Variants in ENTR1 observed in about 807,000 individuals in gnomAD.
ENTR1 encodes the protein endosome-associated-trafficking regulator 1.
In ENTR1, 47 loss-of-function variants were observed where a neutral mutation model predicts 47.9. That is an observed-to-expected ratio of 0.98 (90% CI 0.78 to 1.25). ENTR1 has a LOEUF of 1.25. ENTR1 is among the 50% of genes most tolerant of loss of function. ENTR1 has a pLI of 0.00. For synonymous variants in ENTR1, 290 were observed against 245.8 expected, an observed-to-expected ratio of 1.18 and a Z score of -1.68; for missense variants, 668 against 570.5, an observed-to-expected ratio of 1.17 and a Z score of -1.74.
Position 136,405,208 on chromosome 9 carries a change from T to TA in ENTR1, c.894-7dup, listed in dbSNP as rs1202760423. On this transcript the variant is annotated splice_polypyrimidine_tract_variant and splice_region_variant and intron_variant, in intron 6 of 9. Transcript: ENST00000357365. The stretch of plus-strand genomic sequence containing the variant: ...TCCGCTCAAGCGTCCTCACCCTTGT[T>TA]AAAGAAAAACCCGAGTTGTTAATTT... 1.2e-6 allele frequency: 2 copies of TA among 1,610,690 alleles called. No individual in the cohort carries two copies. Among genetic ancestry groups the TA allele is most frequent in the Non-Finnish European group, 1.7e-6 (2 of 1,177,044 alleles).
At chr9:136,405,870 T>A (rs1198136874) in intron 6 of ENTR1, 35 bp downstream of exon 6, 1 of 1,332,310 alleles carries the variant, frequency 7.5e-7, no homozygotes, top group Admixed American at 2.0e-5. Flanking sequence ...GTATTAGATG[T>A]TGTGGATTGC....
Position 136,410,536 on chromosome 9 carries a change from T to TC in ENTR1, c.-140dup. ...CCCGCCGCTCGGCCGCCCCCGCGCC[T>TC]CCGAGCCTCTCGCCGCTGCTTCCGC... is the stretch of plus-strand genomic sequence containing the variant. On this transcript the variant is annotated 5_prime_UTR_variant, in exon 1 of 10. Coordinates refer to ENST00000357365, the MANE Select transcript of ENTR1 (RefSeq NM_001039707.2). The TC allele has an allele frequency of 1.8e-6, 2 of 1,083,154 alleles. No homozygotes were observed. The highest frequency in any genetic ancestry group is 2.3e-6 in the Non-Finnish European group (2 of 862,538). The allele number at this position is 1,083,154 out of a possible 1,614,324, so 67.1% of individuals were successfully genotyped here. A position where few individuals can be genotyped will look rare whatever the true frequency, so the allele number is the denominator to read the frequency against.
At chr9:136,407,982 C>T (rs773911848) in intron 3 of ENTR1, 44 bp from the exon 4 acceptor site, 2 of 1,293,388 alleles carry the variant, frequency 1.5e-6, no homozygotes, top group Admixed American at 1.7e-5. Flanking sequence ...TACTGAAGAG[C>T]GTTGAAAGGG....
chr9:136,407,287 G>A lies in ENTR1; in HGVS notation c.677C>T (p.Ser226Phe). ...GTCACTCAACGCCCACGAGGGCAGAGACTCAGGCCCTGCCAGCTCCGACGG... is the reference window on the plus strand; with the variant it reads ...GTCACTCAACGCCCACGAGGGCAGAAACTCAGGCCCTGCCAGCTCCGACGG... ...STPSELAGPE[S>F]LPSWALSDTD... Residue 226 changes from serine (S) to phenylalanine (F), a missense_variant, in exon 5 of 10, where the codon TCT (serine) becomes TTT (phenylalanine). Transcript: ENST00000357365. The A allele has an allele frequency of 3.1e-6, 5 of 1,612,722 alleles. No homozygotes were observed. The highest frequency in any genetic ancestry group is 4.2e-6 in the Non-Finnish European group (5 of 1,179,924).
rs1834821950 is a variant in ENTR1, at chr9:136,407,388, G to A, written c.576C>T (p.Ala192=). 2 of 1,607,184 alleles carry A rather than the reference G, an allele frequency of 1.2e-6. No homozygotes were observed. The highest frequency in any genetic ancestry group is 1.7e-5 in the Admixed American group (1 of 59,186). The change falls in exon 5 of 10, where the codon GCC becomes GCT. Residue 192 remains alanine (A), a synonymous_variant. Coordinates refer to ENST00000357365, the MANE Select transcript of ENTR1 (RefSeq NM_001039707.2). ...CCCTCTCGGGGTGAGTCTGCTCGAT[G>A]GCGGACGGCAGGTAGGCCCCACTCC... ...TGWSGAYLPS[A]IEQTHPERVP... is the part of the protein sequence containing the mutation.
At position 136,407,052 on chromosome 9, in the gene ENTR1, A is replaced by G. The variant is rs904321759; in HGVS notation, c.819+93T>C. On this transcript the variant is annotated intron_variant, in intron 5 of 9. Transcript: ENST00000357365. The stretch of plus-strand genomic sequence containing the variant: ...ATCGCCTTGTCCTGGAAATCAAACC[A>G]GGCCACCCAAGAGGTAGGATGGCTC... 3.4e-5 allele frequency: 45 copies of G among 1,308,822 alleles called. 1 individual carries two copies. The highest frequency in any genetic ancestry group is 2.8e-4 in the Middle Eastern group (1 of 3,618). The allele number at this position is 1,308,822 out of a possible 1,614,324, so 81.1% of individuals were successfully genotyped here.
intron 9 of ENTR1, 63 bp from the exon 10 acceptor site, chr9:136,402,950 G>C (rs1351672460): frequency 1.9e-5 from 24 of 1,252,252 alleles, no homozygotes; most frequent in East Asian, 7.0e-5. Flanking sequence ...CAGGGTTCTG[G>C]GGGGAGAAAG....
chr9:136,405,094 C>T lies in ENTR1; in HGVS notation c.1002G>A (p.Met334Ile). The change falls in exon 7 of 10, where the codon ATG (methionine) becomes ATA (isoleucine). Residue 334 changes from methionine (M) to isoleucine (I), a missense_variant. Transcript: ENST00000357365. ...VQQVEQNLEL[M>I]TKRAVKAENH... ...GATTCAGAGAAGAAACCCATACGGTCATCAGCTCCAGGTTCTGCTCCACCT... is the reference window on the plus strand; with the variant it reads ...GATTCAGAGAAGAAACCCATACGGTTATCAGCTCCAGGTTCTGCTCCACCT... 6.2e-7 allele frequency: 1 copy of T among 1,612,156 alleles called. No individual in the cohort carries two copies. The highest frequency in any genetic ancestry group is 1.1e-5 in the South Asian group (1 of 90,994).
intron 6 of ENTR1, 81 bp downstream of exon 6, chr9:136,405,824 A>G: frequency 1.2e-6 from 1 of 817,814 alleles, no homozygotes; most frequent in East Asian, 2.6e-5. Flanking sequence ...TTTGACTCTG[A>G]TTACTTCATT....
At chr9:136,408,885 C>T (rs1834919343) in intron 3 of ENTR1, 114 bp downstream of exon 3, 5 of 752,066 alleles carry the variant, frequency 6.6e-6, no homozygotes, top group Non-Finnish European at 1.2e-5. Context: ...CCCCCACCTG[C>T]TCTTTTGGGC....
In ENTR1 at chr9:136,407,516, A is replaced by G. The variant is rs1485976262; in HGVS notation, c.448T>C (p.Ser150Pro). ...SLGLDHNSPP[S>P]QTGGYGLEYQ... is the part of the protein sequence containing the mutation. ...TCCAGGCCATACCCGCCGGTTTGGG[A>G]GGGTGGGGAGTTGTGGTCAAGTCCC... The change falls in exon 5 of 10, where the codon TCC (serine) becomes CCC (proline). Residue 150 changes from serine (S) to proline (P), a missense_variant. Transcript: ENST00000357365. 2.0e-6 allele frequency: 3 copies of G among 1,516,510 alleles called. No individual in the cohort carries two copies. The highest frequency in any genetic ancestry group is 2.5e-5 in the East Asian group (1 of 40,548). The allele number at this position is 1,516,510 out of a possible 1,614,324, so 93.9% of individuals were successfully genotyped here. A position where few individuals can be genotyped will look rare whatever the true frequency, so the allele number is the denominator to read the frequency against.
Position 136,405,106 on chromosome 9 carries a change from G to A in ENTR1, c.990C>T (p.Asn330=), listed in dbSNP as rs1474337029. The stretch of plus-strand genomic sequence containing the variant: ...AAACCCATACGGTCATCAGCTCCAG[G>A]TTCTGCTCCACCTGCTGAACCACCG... ...LESVVQQVEQ[N]LELMTKRAVK... The change falls in exon 7 of 10, where the codon AAC becomes AAT. Residue 330 remains asparagine (N), a synonymous_variant. Coordinates refer to ENST00000357365, the MANE Select transcript of ENTR1 (RefSeq NM_001039707.2). The A allele has an allele frequency of 6.2e-7, 1 of 1,613,560 alleles. No individual in the cohort carries two copies. Among genetic ancestry groups the A allele is most frequent in the South Asian group, 1.1e-5 (1 of 91,066 alleles).
chr9:136,404,849 C>T (rs1440934034), intron 7 of ENTR1, 156 bp from the exon 8 acceptor site: 3 of 746,868 alleles, frequency 4.0e-6, no homozygotes, highest in Non-Finnish European at 6.7e-6. Context: ...CACTCTCAGA[C>T]CACCCCTGGG....
At position 136,408,374 on chromosome 9, in the gene ENTR1, T is replaced by A. The variant is rs3124612; in HGVS notation, c.290-436A>T. Among the ~76,000 whole-genome samples the A allele has an allele frequency of 4.6e-4, 70 of 151,944 alleles. 3 individuals are homozygous for A. The highest frequency in any genetic ancestry group is 4.6e-3 in the South Asian group (22 of 4,798). On this transcript the variant is annotated intron_variant, in intron 3 of 9. Coordinates refer to ENST00000357365, the MANE Select transcript of ENTR1 (RefSeq NM_001039707.2). ...CGGGCGGATCACGAGGTCAGGAGACTGAGACCATCCTGGCTAACACGGTGA... is the reference window on the plus strand; with the variant it reads ...CGGGCGGATCACGAGGTCAGGAGACAGAGACCATCCTGGCTAACACGGTGA...
Position 136,410,511 on chromosome 9 carries a change from CCCGCCGCTCGG to C in ENTR1, c.-125_-115del, listed in dbSNP as rs955477802. ...CCGCCCCCGTCGCCCGCCCCCGTCG[CCCGCCGCTCGG>C]CCGCCCCCGCGCCTCCGAGCCTCTC... is the stretch of plus-strand genomic sequence containing the variant. On this transcript the variant is annotated 5_prime_UTR_variant, in exon 1 of 10. Coordinates refer to ENST00000357365, the MANE Select transcript of ENTR1 (RefSeq NM_001039707.2). 5.7e-4 allele frequency: 564 copies of C among 995,648 alleles called. 6 individuals carry two copies. In the East Asian group the frequency reaches 0.022, roughly 39 times the overall value. 61.7% of individuals were successfully genotyped at this position (995,648 alleles called of 1,614,324 possible). A position where few individuals can be genotyped will look rare whatever the true frequency, so the allele number is the denominator to read the frequency against.
chr9:136,403,576 C>T (rs895506067), intron 9 of ENTR1, among the ~76,000 whole-genome samples: 1 of 151,976 alleles, frequency 6.6e-6, no homozygotes. Flanking sequence ...TCACAGGAGA[C>T]GGCTCCCTTG....
chr9:136,404,427 G>A lies in ENTR1; in HGVS notation c.1068+204C>T, dbSNP rs1324867462. On this transcript the variant is annotated intron_variant, in intron 8 of 9. Coordinates refer to ENST00000357365, the MANE Select transcript of ENTR1 (RefSeq NM_001039707.2). Reference sequence around the variant, plus strand: ...GGACTCCTACAAGTGGATGCCCCGTGCCAGACCCCAAACTCCCAACAGAGC... The same window carrying A: ...GGACTCCTACAAGTGGATGCCCCGTACCAGACCCCAAACTCCCAACAGAGC... Among the ~76,000 whole-genome samples the A allele has an allele frequency of 3.9e-5, 6 of 152,290 alleles. No homozygotes were observed. The East Asian group carries it at 9.7e-4, about 25-fold the overall frequency.
At position 136,407,807 on chromosome 9, in the gene ENTR1, C is replaced by G. The variant is rs1284740954; in HGVS notation, c.402+19G>C. On this transcript the variant is annotated intron_variant, in intron 4 of 9. Coordinates refer to ENST00000357365, the MANE Select transcript of ENTR1 (RefSeq NM_001039707.2). ...AGAAACGTCCCACAGAGCCATCGCC[C>G]ACAGTGCCGTGGATTTACCTTTGCA... 4.5e-6 allele frequency: 7 copies of G among 1,563,366 alleles called. No homozygotes were observed. The highest frequency in any genetic ancestry group is 6.2e-6 in the Non-Finnish European group (7 of 1,134,158).
intron 6 of ENTR1, 51 bp downstream of exon 6, chr9:136,405,854 C>G (rs1195150655): frequency 1.3e-5 from 15 of 1,129,606 alleles, no homozygotes; most frequent in Non-Finnish European, 1.8e-5. Flanking sequence ...AAACGGATTT[C>G]CCTGTGTATT....
Sources: allele counts gnomAD v4.1 joint callset (sites outside exome capture counted in the v4.1 genomes callset), GRCh38; gene constraint gnomAD v4.1.1; transcripts MANE v1.5; gene names NCBI Gene and HGNC (gene_info 2026-07-23, HGNC 2026-07-21).